The following RIC1 variants were observed in gnomAD, a reference collection of about 807,000 sequenced individuals.
RIC1 encodes the protein guanine nucleotide exchange factor subunit RIC1.
A neutral mutation model predicts 169.0 loss-of-function variants in RIC1; 88 were observed. The observed-to-expected ratio is 0.52, with a 90% confidence interval of 0.44 to 0.62. The LOEUF (loss-of-function observed/expected upper bound fraction) is 0.62. RIC1 is among the 20% of genes least tolerant of loss of function. The pLI is 0.00. For missense variants in RIC1, 1,877 were observed against 1,725.5 expected (o/e 1.09, Z -1.56); for synonymous variants, 790 against 601.5 (o/e 1.31, Z -4.59).
chr9:5,635,287 A>AT (rs1450096180), intron 1 of RIC1, among the ~76,000 whole-genome samples: 2 of 151,784 alleles, frequency 1.3e-5, no homozygotes, highest in Admixed American at 6.6e-5. Flanking sequence ...GTCCTTATTC[A>AT]TTTTTTCTAT....
At chr9:5,741,296 G>A (rs1587081308) in intron 8 of RIC1, among the ~76,000 whole-genome samples, 1 of 152,122 alleles carries the variant, frequency 6.6e-6, no homozygotes, top group East Asian at 1.9e-4. Context: ...ACTGTGATGT[G>A]GAAGGGAAGA....
intron 2 of RIC1, among the ~76,000 whole-genome samples, chr9:5,663,462 C>G (rs970188850): frequency 3.3e-5 from 5 of 152,018 alleles, no homozygotes; most frequent in Admixed American, 6.6e-5. Flanking sequence ...GAGTCTAAGT[C>G]TTTTTGAAGG....
At chr9:5,706,408 C>A (rs1822587285) in intron 3 of RIC1, among the ~76,000 whole-genome samples, 2 of 152,044 alleles carry the variant, frequency 1.3e-5, no homozygotes, top group South Asian at 4.1e-4. Flanking sequence ...GCTGAGATCG[C>A]ACCACTGCAC....
chr9:5,652,263 T>C (rs1818847073), intron 1 of RIC1, among the ~76,000 whole-genome samples: 1 of 152,214 alleles, frequency 6.6e-6, no homozygotes, highest in Non-Finnish European at 1.5e-5. Context: ...ATTGGTATTT[T>C]GGTAGGGATT....
chr9:5,712,771 T>G (rs1823010305), intron 3 of RIC1: 1 of 152,226 alleles, frequency 6.6e-6, no homozygotes, highest in Non-Finnish European at 1.5e-5. Context: ...TCCTATAAAC[T>G]AATTACTTTC....
rs79062112 is a variant in RIC1, at chr9:5,738,126, T to C, written c.813-324T>C. ...TATAGTATTATATTGCTATACCATA[T>C]GTACTATAGCCAAATAAAAGTTCAT... On this transcript the variant is annotated intron_variant, in intron 7 of 25. Coordinates refer to ENST00000414202, the MANE Select transcript of RIC1 (RefSeq NM_020829.4). 7.4e-3 allele frequency among the ~76,000 whole-genome samples: 1,131 copies of C among 152,300 alleles called. 15 individuals carry two copies. The highest frequency in any genetic ancestry group is 0.026 in the African/African-American group (1,085 of 41,544).
At chr9:5,675,112 C>T (rs1256431652) in intron 2 of RIC1, among the ~76,000 whole-genome samples, 4 of 152,360 alleles carry the variant, frequency 2.6e-5, no homozygotes, top group South Asian at 2.1e-4. Context: ...CCCTGACGCA[C>T]GTGGCCCCTG....
chr9:5,753,719 T>C (rs910143944), intron 14 of RIC1, 73 bp downstream of exon 14: 14 of 637,482 alleles, frequency 2.2e-5, no homozygotes, highest in Non-Finnish European at 3.6e-5. Context: ...AGCTATAAAG[T>C]TTATCACTAA....
intron 2 of RIC1, among the ~76,000 whole-genome samples, chr9:5,678,000 C>CTCG (rs1820559585): frequency 6.6e-6 from 1 of 151,048 alleles, no homozygotes; most frequent in Non-Finnish European, 1.5e-5. Context: ...CTCCCCCCTG[C>CTCG]CCCCACCCCA....
intron 12 of RIC1, 79 bp from the exon 13 acceptor site, chr9:5,753,121 C>G (rs1825817548): frequency 1.6e-6 from 2 of 1,278,512 alleles, no homozygotes; most frequent in South Asian, 2.4e-5. Flanking sequence ...CAAGATGAAT[C>G]TCATAGTGTG....
Position 5,774,205 on chromosome 9 carries a change from G to A in RIC1, c.4231G>A (p.Glu1411Lys), listed in dbSNP as rs1488679881. The change falls in exon 26 of 26, where the codon GAA becomes AAA. Residue 1411 changes from glutamate (E) to lysine (K), a missense_variant. Glu to Lys is a moderately conservative substitution (Grantham distance 56). This residue lies in a region of RIC1 where 681 missense variants were observed against 582.0 expected (regional missense o/e 1.17). Transcript: ENST00000414202. ...GGACACAGCCCAAGCAGAGGAGGAA[G>A]AACCTTTTCAGGATGGGACTTACGA... ...EEDTAQAEEE[E>K]PFQDGTYDCS... 2 of 1,613,422 alleles carry A rather than the reference G, an allele frequency of 1.2e-6. No individual in the cohort carries two copies. Among genetic ancestry groups the A allele is most frequent in the Non-Finnish European group, 1.7e-6 (2 of 1,179,762 alleles).
intron 21 of RIC1, among the ~76,000 whole-genome samples, chr9:5,767,545 A>C (rs922731125): frequency 2.0e-5 from 3 of 151,508 alleles, no homozygotes; most frequent in Non-Finnish European, 2.9e-5. Flanking sequence ...GCTTGGGCAC[A>C]TAGTGAGAGC....
At chr9:5,703,889 A>T (rs1018777215) in intron 3 of RIC1, among the ~76,000 whole-genome samples, 3 of 152,128 alleles carry the variant, frequency 2.0e-5, no homozygotes, top group African/African-American at 7.2e-5. Flanking sequence ...CCTGTTTTCA[A>T]TTATTTTTGG....
At chr9:5,708,949 C>T (rs1018307106) in intron 3 of RIC1, among the ~76,000 whole-genome samples, 1 of 151,678 alleles carries the variant, frequency 6.6e-6, no homozygotes, top group Non-Finnish European at 1.5e-5. Flanking sequence ...TCTTGGATTC[C>T]ATAGTTAATG....
intron 23 of RIC1, among the ~76,000 whole-genome samples, chr9:5,771,945 CTT>C (rs1295662273): frequency 2.0e-5 from 3 of 152,198 alleles, no homozygotes; most frequent in Non-Finnish European, 2.9e-5. Context: ...TACAAGGACT[CTT>C]TAAGAATTAT....
intron 3 of RIC1, among the ~76,000 whole-genome samples, chr9:5,706,815 T>G (rs1822618200): frequency 6.6e-6 from 1 of 152,196 alleles, no homozygotes; most frequent in Admixed American, 6.5e-5. Flanking sequence ...CATTTCAGAC[T>G]TATAAAGTCT....
intron 2 of RIC1, among the ~76,000 whole-genome samples, chr9:5,657,958 A>G (rs1819203415): frequency 6.6e-6 from 1 of 152,146 alleles, no homozygotes. Flanking sequence ...TATTGTCTGT[A>G]ACTTCTTTCA....
intron 1 of RIC1, among the ~76,000 whole-genome samples, chr9:5,640,271 C>T (rs954633543): frequency 3.3e-5 from 5 of 152,096 alleles, no homozygotes; most frequent in Non-Finnish European, 7.4e-5. Context: ...CTTGCAAGTA[C>T]TGTCTTATAA....
intron 1 of RIC1, among the ~76,000 whole-genome samples, chr9:5,634,556 A>G (rs1266509399): frequency 6.6e-6 from 1 of 151,648 alleles, no homozygotes; most frequent in Non-Finnish European, 1.5e-5. Context: ...AAATTAGGTT[A>G]TCTGTTTTGT....
Sources: gnomAD v4.1 joint callset for allele counts (sites outside exome capture counted in the v4.1 genomes callset) on GRCh38, gnomAD v4.1.1 for gene constraint, gnomAD v4.1.1 regional missense constraint, MANE v1.5 for transcripts, NCBI Gene and HGNC (gene_info 2026-07-23, HGNC 2026-07-21) for gene names.